SLC10A7: variants seen among roughly 807,000 people sequenced by gnomAD.
SLC10A7 encodes sodium/bile acid cotransporter 7.
Under a neutral mutation model 43.2 loss-of-function variants are expected in SLC10A7, and 29 were observed. The observed-to-expected ratio is 0.67, with a 90% CI of 0.50 to 0.92. The LOEUF (loss-of-function observed/expected upper bound fraction) is 0.92, where lower values mean the gene tolerates loss of function less well. SLC10A7 is among the 40% of genes least tolerant of loss of function. SLC10A7 has a pLI of 0.00. For synonymous variants in SLC10A7, 152 were observed against 144.8 expected (o/e 1.05, Z -0.35); for missense variants, 295 against 403.2 (o/e 0.73, Z 2.30).
intron 5 of SLC10A7, among the ~76,000 whole-genome samples, chr4:146,389,110 G>C (rs149918420): frequency 1.1e-4 from 17 of 152,048 alleles, no homozygotes; most frequent in East Asian, 5.8e-4. Flanking sequence ...ACTCACAAGC[G>C]GGAGCTAAAC....
chr4:146,260,752 G>A lies in SLC10A7; in HGVS notation c.848-1915C>T, dbSNP rs991824306. Reference sequence around the variant, plus strand: ...AGGTAAGGTCAGTTCCAGATGCCATGGGCACTGCAGCTGCTGTGAAAAGGG... The same window carrying A: ...AGGTAAGGTCAGTTCCAGATGCCATAGGCACTGCAGCTGCTGTGAAAAGGG... On this transcript the variant is annotated intron_variant, in intron 10 of 11. Transcript: ENST00000335472. Among the ~76,000 whole-genome samples, 3 of 152,192 alleles carry A rather than the reference G, an allele frequency of 2.0e-5. No individual in the cohort carries two copies. In the East Asian group the frequency reaches 5.8e-4, roughly 29 times the overall value.
intron 6 of SLC10A7, among the ~76,000 whole-genome samples, chr4:146,321,023 CA>C (rs1404529731): frequency 6.6e-6 from 1 of 152,016 alleles, no homozygotes; most frequent in East Asian, 1.9e-4. Context: ...ATTCCACCAG[CA>C]AAAATGGCCT....
intron 5 of SLC10A7, among the ~76,000 whole-genome samples, chr4:146,341,618 A>G (rs1408581207): frequency 6.6e-6 from 1 of 151,802 alleles, no homozygotes; most frequent in African/African-American, 2.4e-5. Flanking sequence ...CATTCATTCA[A>G]TGCTAATTTA....
At chr4:146,419,249 A>G (rs1454124898) in intron 5 of SLC10A7, among the ~76,000 whole-genome samples, 1 of 152,124 alleles carries the variant, frequency 6.6e-6, no homozygotes, top group Non-Finnish European at 1.5e-5. Context: ...CCTACCCTCT[A>G]ATCAAGCCTT....
intron 5 of SLC10A7, among the ~76,000 whole-genome samples, chr4:146,333,705 T>C (rs975770848): frequency 1.3e-5 from 2 of 152,078 alleles, no homozygotes; most frequent in African/African-American, 2.4e-5. Context: ...TAGTAATCCA[T>C]GGTAAGGAGT....
At chr4:146,289,545 T>A (rs1169370714) in intron 9 of SLC10A7, among the ~76,000 whole-genome samples, 2 of 152,038 alleles carry the variant, frequency 1.3e-5, no homozygotes, top group Non-Finnish European at 2.9e-5. Context: ...TGCTTATTTT[T>A]TTTTAAATTT....
intron 6 of SLC10A7, among the ~76,000 whole-genome samples, chr4:146,312,567 C>T (rs1454063236): frequency 6.6e-6 from 1 of 152,084 alleles, no homozygotes; most frequent in Non-Finnish European, 1.5e-5. Context: ...ATCCTTTGGT[C>T]AACATCTCCC....
At chr4:146,290,480 G>C (rs959508290) in intron 9 of SLC10A7, among the ~76,000 whole-genome samples, 8 of 152,090 alleles carry the variant, frequency 5.3e-5, no homozygotes, top group East Asian at 3.9e-4. Flanking sequence ...GGGCGGGGAG[G>C]GGGTGCAGAG....
intron 5 of SLC10A7, among the ~76,000 whole-genome samples, chr4:146,364,854 A>G (rs1736285521): frequency 6.6e-6 from 1 of 152,176 alleles, no homozygotes; most frequent in Non-Finnish European, 1.5e-5. Context: ...TTTGATCATT[A>G]CACATTGTAT....
intron 3 of SLC10A7, among the ~76,000 whole-genome samples, chr4:146,508,921 C>T (rs549654202): frequency 5.9e-5 from 9 of 152,160 alleles, no homozygotes; most frequent in Admixed American, 6.5e-5. Flanking sequence ...ACTTTTATAC[C>T]GCTAGGACAT....
At chr4:146,446,845 T>C (rs1731142607) in intron 4 of SLC10A7, among the ~76,000 whole-genome samples, 1 of 152,098 alleles carries the variant, frequency 6.6e-6, no homozygotes, top group Admixed American at 6.5e-5. Flanking sequence ...ACTGGTACTC[T>C]TTTAAAATTT....
chr4:146,400,644 G>C (rs1424328653), intron 5 of SLC10A7, among the ~76,000 whole-genome samples: 1 of 152,066 alleles, frequency 6.6e-6, no homozygotes. Context: ...CTCTTGCTAG[G>C]GAGCAGAACC....
At chr4:146,442,744 C>A (rs368471139) in intron 5 of SLC10A7, 39 bp downstream of exon 5, 46 of 1,596,472 alleles carry the variant, frequency 2.9e-5, no homozygotes, top group Middle Eastern at 1.7e-4. Flanking sequence ...AATATCACAG[C>A]AAAAGTTGTA....
At chr4:146,329,860 T>C (rs1490364041) in intron 5 of SLC10A7, among the ~76,000 whole-genome samples, 2 of 152,222 alleles carry the variant, frequency 1.3e-5, no homozygotes, top group African/African-American at 4.8e-5. Context: ...TTTGAGTATA[T>C]GCAGCTCAAT....
chr4:146,407,266 G>A (rs1727785754), intron 5 of SLC10A7, among the ~76,000 whole-genome samples: 1 of 152,150 alleles, frequency 6.6e-6, no homozygotes, highest in South Asian at 2.1e-4. Flanking sequence ...TATATTTAAT[G>A]TGTACAATTT....
intron 8 of SLC10A7, 99 bp from the exon 9 acceptor site, chr4:146,293,079 A>C (rs549093817): frequency 5.6e-6 from 4 of 714,600 alleles, no homozygotes; most frequent in African/African-American, 5.6e-5. Context: ...ATAGGAACTA[A>C]AAAAGAAAAA....
intron 5 of SLC10A7, among the ~76,000 whole-genome samples, chr4:146,371,412 T>A (rs1736769849): frequency 6.6e-6 from 1 of 152,116 alleles, no homozygotes; most frequent in South Asian, 2.1e-4. Context: ...CTAAAGGCAG[T>A]GAAGATGATG....
chr4:146,306,091 A>G, intron 6 of SLC10A7, 82 bp from the exon 7 acceptor site: 1 of 1,127,850 alleles, frequency 8.9e-7, no homozygotes, highest in South Asian at 2.5e-5. Context: ...CAATAAATAG[A>G]TTTTCTCAGG....
intron 4 of SLC10A7, among the ~76,000 whole-genome samples, chr4:146,467,562 CTTTTTTTT>C (rs397995707): frequency 3.2e-5 from 3 of 92,842 alleles, no homozygotes; most frequent in South Asian, 4.1e-4. Context: ...TTCTTTCTCT[CTTTTTTTT>C]TTTTTTTTTT....
Sources: allele counts gnomAD v4.1 joint callset (sites outside exome capture counted in the v4.1 genomes callset), GRCh38; gene constraint gnomAD v4.1.1; transcripts MANE v1.5; gene names NCBI Gene and HGNC (gene_info 2026-07-23, HGNC 2026-07-21).